CTNNAL1: variants seen among roughly 807,000 people sequenced by gnomAD.
The protein encoded by CTNNAL1 is alpha-catulin.
Under a neutral mutation model 93.6 loss-of-function variants are expected in CTNNAL1, and 69 were observed. The observed-to-expected ratio is 0.74, with a 90% CI of 0.61 to 0.90. The LOEUF (loss-of-function observed/expected upper bound fraction) is 0.90. Among genes scored for constraint, CTNNAL1 ranks in the 40% least tolerant of loss-of-function variants. The pLI is 0.00. For missense variants in CTNNAL1, 836 were observed against 862.0 expected, an observed-to-expected ratio of 0.97 and a Z score of 0.38; for synonymous variants, 286 against 305.4, an observed-to-expected ratio of 0.94 and a Z score of 0.66.
chr9:108,969,909 C>T (rs1232409728), intron 10 of CTNNAL1, among the ~76,000 whole-genome samples: 2 of 152,164 alleles, frequency 1.3e-5, no homozygotes, highest in African/African-American at 4.8e-5. Context: ...TGTACTCAAA[C>T]GATCCTCCTA....
At chr9:108,961,275 C>T (rs1002339515) in intron 11 of CTNNAL1, among the ~76,000 whole-genome samples, 9 of 152,188 alleles carry the variant, frequency 5.9e-5, no homozygotes, top group African/African-American at 2.2e-4. Context: ...AGGTTTGTCA[C>T]ATCAACCATG....
chr9:108,979,247 T>C (rs747390366), intron 7 of CTNNAL1, 34 bp downstream of exon 7: 120 of 1,612,132 alleles, frequency 7.4e-5, no homozygotes, highest in Middle Eastern at 1.6e-4. Context: ...AGCCATTATA[T>C]AAGATTTACT....
At chr9:108,984,475 T>G (rs1248741513) in intron 4 of CTNNAL1, 39 bp from the exon 5 acceptor site, 2 of 1,128,568 alleles carry the variant, frequency 1.8e-6, no homozygotes, top group Non-Finnish European at 2.7e-6. Context: ...TCTAAGACCA[T>G]GTGAACAACC....
Position 109,013,447 on chromosome 9 carries a change from C to T in CTNNAL1, c.-5G>A, listed in dbSNP as rs1357649002. ...GGGTCCGGGAGAGGCGGCCATGGCC[C>T]TCGGTCTATCCCGCAGCCGGGACTC... On this transcript the variant is annotated 5_prime_UTR_variant, in exon 1 of 19. Coordinates refer to ENST00000325551, the MANE Select transcript of CTNNAL1 (RefSeq NM_003798.4). 3.4e-6 allele frequency: 5 copies of T among 1,453,356 alleles called. No homozygotes were observed. The highest frequency in any genetic ancestry group is 4.5e-6 in the Non-Finnish European group (5 of 1,099,868). 90.0% of individuals were successfully genotyped at this position (1,453,356 alleles called of 1,614,324 possible). A position where few individuals can be genotyped will look rare whatever the true frequency, so the allele number is the denominator to read the frequency against.
At chr9:108,979,203 T>G (rs370786738) in intron 7 of CTNNAL1, 78 bp downstream of exon 7, 1 of 1,542,160 alleles carries the variant, frequency 6.5e-7, no homozygotes, top group Non-Finnish European at 8.9e-7. Flanking sequence ...CTGGTGATTA[T>G]GTAACTTCCA....
At position 108,974,613 on chromosome 9, in the gene CTNNAL1, T is replaced by C. The variant is rs190266761; in HGVS notation, c.1189-1780A>G. On this transcript the variant is annotated intron_variant, in intron 8 of 18. Coordinates refer to ENST00000325551, the MANE Select transcript of CTNNAL1 (RefSeq NM_003798.4). ...CTTTCGGAGGCCAAGGCAGAAACAC[T>C]GCTTGAGCCCAGGAGTTCAAGACCA... Among the ~76,000 whole-genome samples, 146 of 152,164 alleles carry C rather than the reference T, an allele frequency of 9.6e-4. 2 individuals carry two copies. The East Asian group carries it at 0.019, about 20-fold the overall frequency.
intron 12 of CTNNAL1, among the ~76,000 whole-genome samples, chr9:108,954,657 AAGTCAC>A (rs1460667894): frequency 6.6e-6 from 1 of 152,198 alleles, no homozygotes; most frequent in Non-Finnish European, 1.5e-5. Flanking sequence ...TGTTTTTTTT[AAGTCAC>A]AGAATTAATT....
chr9:108,990,639 A>T, intron 4 of CTNNAL1, 87 bp downstream of exon 4: 1 of 1,465,350 alleles, frequency 6.8e-7, no homozygotes, highest in Non-Finnish European at 9.1e-7. Context: ...CAAAGAAACC[A>T]GTCCAAACAA....
intron 14 of CTNNAL1, among the ~76,000 whole-genome samples, chr9:108,951,510 G>T (rs1564122143): frequency 6.6e-6 from 1 of 152,130 alleles, no homozygotes; most frequent in Non-Finnish European, 1.5e-5. Context: ...TTCCAAAAAT[G>T]AAAAAGATAG....
At chr9:108,994,719 T>G (rs369609144) in intron 2 of CTNNAL1, among the ~76,000 whole-genome samples, 35 of 152,298 alleles carry the variant, frequency 2.3e-4, no homozygotes, top group East Asian at 1.2e-3. Context: ...CCTTGTGCTG[T>G]CTGTCCCCTC....
intron 4 of CTNNAL1, among the ~76,000 whole-genome samples, chr9:108,989,901 G>T (rs1831735241): frequency 6.6e-6 from 1 of 151,654 alleles, no homozygotes; most frequent in Non-Finnish European, 1.5e-5. Flanking sequence ...AATACAAAAA[G>T]TTAGCTGGGC....
rs1202111833 is a variant in CTNNAL1, at chr9:108,942,716, A to T, written c.*53T>A. 15 of 1,142,924 alleles carry T rather than the reference A, an allele frequency of 1.3e-5. No homozygotes were observed. The highest frequency in any genetic ancestry group is 1.9e-5 in the Non-Finnish European group (15 of 774,010). 70.8% of individuals were successfully genotyped at this position (1,142,924 alleles called of 1,614,324 possible). On this transcript the variant is annotated 3_prime_UTR_variant, in exon 19 of 19. Coordinates refer to ENST00000325551, the MANE Select transcript of CTNNAL1 (RefSeq NM_003798.4). ...AAAGATAAAGGATCATTTGATTTTT[A>T]AAAATGTCAGCTTCATCACATGATG...
chr9:109,002,786 C>A (rs1826883606), intron 1 of CTNNAL1, among the ~76,000 whole-genome samples: 1 of 150,982 alleles, frequency 6.6e-6, no homozygotes, highest in South Asian at 2.1e-4. Flanking sequence ...GAGTTCGAGA[C>A]CAGCCTGACC....
intron 14 of CTNNAL1, among the ~76,000 whole-genome samples, chr9:108,951,178 CTTTTTT>C (rs75266025): frequency 3.6e-5 from 5 of 137,204 alleles, no homozygotes; most frequent in African/African-American, 1.3e-4. Flanking sequence ...GCCCGGCTAA[CTTTTTT>C]TTTTTTTTTT....
chr9:108,984,212 AG>A, intron 5 of CTNNAL1, 134 bp downstream of exon 5: 1 of 567,134 alleles, frequency 1.8e-6, no homozygotes, highest in East Asian at 2.8e-5. Flanking sequence ...ATAATAACTG[AG>A]ATTTAACTAT....
intron 1 of CTNNAL1, among the ~76,000 whole-genome samples, chr9:109,012,988 C>T (rs1462661678): frequency 6.6e-6 from 1 of 152,176 alleles, no homozygotes. Context: ...GGGCATCGCC[C>T]GGCCGGGGGC....
At chr9:109,010,440 A>G (rs981251196) in intron 1 of CTNNAL1, among the ~76,000 whole-genome samples, 2 of 152,192 alleles carry the variant, frequency 1.3e-5, no homozygotes, top group African/African-American at 4.8e-5. Context: ...GTAGAAGCAT[A>G]GCAGGCACCC....
At chr9:108,977,166 G>T in intron 7 of CTNNAL1, 118 bp from the exon 8 acceptor site, 1 of 453,042 alleles carries the variant, frequency 2.2e-6, no homozygotes, top group Non-Finnish European at 3.8e-6. Flanking sequence ...AACTATAAAA[G>T]TAGATTTTCA....
At chr9:109,006,682 A>G (rs1159427044) in intron 1 of CTNNAL1, among the ~76,000 whole-genome samples, 1 of 152,228 alleles carries the variant, frequency 6.6e-6, no homozygotes, top group Non-Finnish European at 1.5e-5. Context: ...CCCTTGGGGA[A>G]GAAAGAAGAT....
Sources: gnomAD v4.1 joint callset for allele counts (sites outside exome capture counted in the v4.1 genomes callset) on GRCh38, gnomAD v4.1.1 for gene constraint, MANE v1.5 for transcripts, NCBI Gene and HGNC (gene_info 2026-07-23, HGNC 2026-07-21) for gene names.